The following CPED1 variants were observed in gnomAD, a reference collection of about 807,000 sequenced individuals.
CPED1 encodes the protein cadherin-like and PC-esterase domain-containing protein 1.
Under a neutral mutation model 128.2 loss-of-function variants are expected in CPED1, and 114 were observed. That is an observed-to-expected ratio of 0.89 (90% CI 0.76 to 1.04). CPED1 has a LOEUF of 1.04. Among genes scored for constraint, CPED1 ranks in the 50% least tolerant of loss-of-function variants. The probability of loss-of-function intolerance (pLI) is 0.00; values close to 1 mark genes in which losing one functional copy is unlikely to be tolerated. For missense variants in CPED1, 1,211 were observed against 1,207.1 expected (o/e 1.00, Z -0.05); for synonymous variants, 462 against 426.7 (o/e 1.08, Z -1.02).
rs75115013 is a variant in CPED1, at chr7:121,056,955, T to C, written c.541-7283T>C. On this transcript the variant is annotated intron_variant, in intron 4 of 22. Coordinates refer to ENST00000310396, the MANE Select transcript of CPED1 (RefSeq NM_024913.5). ...TCCTCTCTTCTCGTTATTTGAAATATACAACACATGCTCTCTATTTTTTCT... is the reference window on the plus strand; with the variant it reads ...TCCTCTCTTCTCGTTATTTGAAATACACAACACATGCTCTCTATTTTTTCT... Among the ~76,000 whole-genome samples, 761 of 150,324 alleles carry C rather than the reference T, an allele frequency of 5.1e-3. 6 individuals carry two copies. The highest frequency in any genetic ancestry group is 0.018 in the African/African-American group (725 of 40,880).
At chr7:121,072,930 T>C (rs1794031039) in intron 5 of CPED1, among the ~76,000 whole-genome samples, 1 of 152,154 alleles carries the variant, frequency 6.6e-6, no homozygotes. Flanking sequence ...TTACACTATG[T>C]TTCCTCTGTG....
At chr7:121,284,392 C>G (rs1030821424) in intron 22 of CPED1, among the ~76,000 whole-genome samples, 1 of 152,160 alleles carries the variant, frequency 6.6e-6, no homozygotes, top group African/African-American at 2.4e-5. Context: ...TCATGTCCTT[C>G]CATTTCAAAA....
At chr7:121,143,210 A>G (rs561239121) in intron 16 of CPED1, among the ~76,000 whole-genome samples, 1 of 152,186 alleles carries the variant, frequency 6.6e-6, no homozygotes, top group African/African-American at 2.4e-5. Context: ...ATTAATAAGC[A>G]CACTTAAAAA....
rs1792256224 is a variant in CPED1, at chr7:121,272,659, C to T, written c.2868+1229C>T. 2.0e-5 allele frequency among the ~76,000 whole-genome samples: 3 copies of T among 152,044 alleles called. No individual in the cohort carries two copies. In the South Asian group the frequency reaches 6.2e-4, roughly 32 times the overall value. On this transcript the variant is annotated intron_variant, in intron 22 of 22. Coordinates refer to ENST00000310396, the MANE Select transcript of CPED1 (RefSeq NM_024913.5). ...CTACAGAAATATTAATGCATTGTTG[C>T]TCTGTCATTGCTGGAAATACAGTTA...
chr7:121,075,999 C>T (rs1794115841), intron 5 of CPED1, among the ~76,000 whole-genome samples: 1 of 152,098 alleles, frequency 6.6e-6, no homozygotes, highest in South Asian at 2.1e-4. Flanking sequence ...GTTTGTCTCC[C>T]CCACAAGGAC....
intron 2 of CPED1, among the ~76,000 whole-genome samples, chr7:120,994,770 C>G (rs1796368375): frequency 6.6e-6 from 1 of 151,860 alleles, no homozygotes; most frequent in South Asian, 2.1e-4. Flanking sequence ...GATTCTATTC[C>G]AAAGGCAACA....
intron 18 of CPED1, among the ~76,000 whole-genome samples, chr7:121,264,411 A>G (rs1792083331): frequency 6.6e-6 from 1 of 152,090 alleles, no homozygotes; most frequent in African/African-American, 2.4e-5. Flanking sequence ...AATTCAAGTT[A>G]TTTCACAAGC....
At chr7:121,192,933 A>G (rs1257221964) in intron 16 of CPED1, among the ~76,000 whole-genome samples, 3 of 152,126 alleles carry the variant, frequency 2.0e-5, no homozygotes, top group Non-Finnish European at 4.4e-5. Context: ...AGGATCAACC[A>G]TGTATTTTCT....
chr7:121,257,656 A>G (rs1791916752), intron 18 of CPED1, among the ~76,000 whole-genome samples: 1 of 152,070 alleles, frequency 6.6e-6, no homozygotes, highest in Admixed American at 6.6e-5. Flanking sequence ...TCACTTATGA[A>G]TAGGAGTAGG....
In CPED1 at chr7:121,271,242, C is replaced by A. The variant is rs776288849; in HGVS notation, c.2722-42C>A. 13 of 1,528,362 alleles carry A rather than the reference C, an allele frequency of 8.5e-6. No homozygotes were observed. The Admixed American group carries it at 1.9e-4, about 23-fold the overall frequency. The allele number at this position is 1,528,362 out of a possible 1,614,324, so 94.7% of individuals were successfully genotyped here. A position where few individuals can be genotyped will look rare whatever the true frequency, so the allele number is the denominator to read the frequency against. ...CTAACTTATTGAATCATAAAACAAT[C>A]CTCTGGTAATAAAAATTCTCATTCT... is the stretch of plus-strand genomic sequence containing the variant. On this transcript the variant is annotated intron_variant, in intron 21 of 22. Coordinates refer to ENST00000310396, the MANE Select transcript of CPED1 (RefSeq NM_024913.5).
chr7:121,128,378 A>G lies in CPED1; in HGVS notation c.1303-4A>G, dbSNP rs1563036914. The G allele has an allele frequency of 3.3e-6, 5 of 1,498,518 alleles. No homozygotes were observed. Among genetic ancestry groups the G allele is most frequent in the Non-Finnish European group, 4.6e-6 (5 of 1,075,540 alleles). 92.8% of individuals were successfully genotyped at this position (1,498,518 alleles called of 1,614,324 possible). A position where few individuals can be genotyped will look rare whatever the true frequency, so the allele number is the denominator to read the frequency against. On this transcript the variant is annotated splice_polypyrimidine_tract_variant and splice_region_variant and intron_variant, in intron 10 of 22. Coordinates refer to ENST00000310396, the MANE Select transcript of CPED1 (RefSeq NM_024913.5). ...GCTTAAGTTCTTTCCCCCTACCAAT[A>G]CAGGGTGAAAACTATCAAAAGGAAC...
At chr7:121,204,919 GTCA>G (rs1797484873) in intron 16 of CPED1, among the ~76,000 whole-genome samples, 1 of 152,014 alleles carries the variant, frequency 6.6e-6, no homozygotes, top group Non-Finnish European at 1.5e-5. Flanking sequence ...CCAAAAGAGG[GTCA>G]TTGCCTAATC....
intron 22 of CPED1, among the ~76,000 whole-genome samples, chr7:121,281,337 C>T (rs771092243): frequency 2.0e-5 from 3 of 152,088 alleles, no homozygotes; most frequent in Non-Finnish European, 4.4e-5. Flanking sequence ...TTGAAATTAC[C>T]TACATTTAAT....
intron 5 of CPED1, among the ~76,000 whole-genome samples, chr7:121,097,098 G>C (rs1376779120): frequency 6.6e-6 from 1 of 152,018 alleles, no homozygotes; most frequent in African/African-American, 2.4e-5. Context: ...TTTGATTTTT[G>C]TAATCATGTA....
At chr7:121,253,132 A>G (rs968604549) in intron 18 of CPED1, among the ~76,000 whole-genome samples, 1 of 152,062 alleles carries the variant, frequency 6.6e-6, no homozygotes, top group African/African-American at 2.4e-5. Context: ...TGATGCAGCC[A>G]TAAAAAATGA....
chr7:121,165,445 G>A (rs1796501579), intron 16 of CPED1, among the ~76,000 whole-genome samples: 1 of 152,048 alleles, frequency 6.6e-6, no homozygotes, highest in Admixed American at 6.6e-5. Flanking sequence ...CATGTTTAAG[G>A]ACACAATTTT....
chr7:121,209,450 A>C (rs1319425926), intron 16 of CPED1, among the ~76,000 whole-genome samples: 1 of 152,062 alleles, frequency 6.6e-6, no homozygotes, highest in Non-Finnish European at 1.5e-5. Context: ...CAGCTTTATG[A>C]AACTATAAAA....
At chr7:121,027,744 A>AATG (rs1169949984) in intron 3 of CPED1, among the ~76,000 whole-genome samples, 38 of 102,844 alleles carry the variant, frequency 3.7e-4, no homozygotes, top group Admixed American at 3.3e-3. Flanking sequence ...AACCTTTAGT[A>AATG]ATAATAATAA....
chr7:121,212,233 C>A (rs143241375), intron 16 of CPED1, among the ~76,000 whole-genome samples: 1 of 152,132 alleles, frequency 6.6e-6, no homozygotes, highest in South Asian at 2.1e-4. Context: ...CAAAACCCAT[C>A]GTCAATCTGT....
Sources: gnomAD v4.1 joint callset for allele counts (sites outside exome capture counted in the v4.1 genomes callset) on GRCh38, gnomAD v4.1.1 for gene constraint, MANE v1.5 for transcripts, NCBI Gene and HGNC (gene_info 2026-07-23, HGNC 2026-07-21) for gene names.